The following OSBPL10 variants were observed in gnomAD, a reference collection of about 807,000 sequenced individuals.
OSBPL10 encodes oxysterol binding protein like 10.
A neutral mutation model predicts 81.7 loss-of-function variants in OSBPL10; 49 were observed. The ratio of observed to expected loss-of-function variants is 0.60; its 90% CI spans 0.48 to 0.76. The LOEUF is 0.76. Among genes scored for constraint, OSBPL10 ranks in the 30% least tolerant of loss-of-function variants. OSBPL10 has a pLI of 0.00. For missense variants in OSBPL10, 923 were observed against 987.8 expected (o/e 0.93, Z 0.88); for synonymous variants, 419 against 383.6 (o/e 1.09, Z -1.08).
chr3:32,040,776 G>A (rs1211195096), intron 2 of OSBPL10, among the ~76,000 whole-genome samples: 2 of 152,166 alleles, frequency 1.3e-5, no homozygotes, highest in Non-Finnish European at 2.9e-5. Context: ...GTTCAAGGCT[G>A]CAGTGAGCTA....
intron 4 of OSBPL10, among the ~76,000 whole-genome samples, chr3:31,822,741 A>G (rs1700008132): frequency 6.6e-6 from 1 of 151,628 alleles, no homozygotes; most frequent in Non-Finnish European, 1.5e-5. Context: ...AAGACCCCAT[A>G]TTTACAAAAA....
chr3:32,059,259 C>A (rs1221705683), intron 1 of OSBPL10, among the ~76,000 whole-genome samples: 2 of 148,790 alleles, frequency 1.3e-5, no homozygotes, highest in Non-Finnish European at 3.0e-5. Context: ...TCATGCCACT[C>A]TACTCCAGCC....
intron 1 of OSBPL10, among the ~76,000 whole-genome samples, chr3:31,909,190 C>T (rs1696504050): frequency 6.6e-6 from 1 of 152,170 alleles, no homozygotes; most frequent in Non-Finnish European, 1.5e-5. Flanking sequence ...CTGGCCTTGG[C>T]CCTCCAGTGG....
chr3:31,825,476 C>A (rs1312409992), intron 4 of OSBPL10, among the ~76,000 whole-genome samples: 1 of 152,064 alleles, frequency 6.6e-6, no homozygotes, highest in South Asian at 2.1e-4. Flanking sequence ...CATGAGCCAC[C>A]ACACTTAGCA....
At chr3:31,823,239 C>T (rs1700022308) in intron 4 of OSBPL10, among the ~76,000 whole-genome samples, 1 of 152,190 alleles carries the variant, frequency 6.6e-6, no homozygotes, top group Admixed American at 6.5e-5. Context: ...CCTTGAATAC[C>T]TCCATATGCC....
At chr3:31,976,766 T>A (rs1442697537) in intron 1 of OSBPL10, among the ~76,000 whole-genome samples, 1 of 152,210 alleles carries the variant, frequency 6.6e-6, no homozygotes, top group Non-Finnish European at 1.5e-5. Flanking sequence ...CTTGTCTTCC[T>A]TAATCCTAGT....
chr3:31,991,621 T>C (rs1699031218), intron 2 of OSBPL10: 1 of 166,596 alleles, frequency 6.0e-6, no homozygotes, highest in Admixed American at 6.5e-5. Context: ...ACTGTGTTTA[T>C]TAGCTTCAGT....
intron 6 of OSBPL10, among the ~76,000 whole-genome samples, chr3:31,702,709 T>C (rs1281865452): frequency 6.6e-6 from 1 of 152,160 alleles, no homozygotes; most frequent in Non-Finnish European, 1.5e-5. Flanking sequence ...GCATATCCCC[T>C]TTCATCTCTC....
At chr3:31,825,095 T>C (rs1007364623) in intron 4 of OSBPL10, among the ~76,000 whole-genome samples, 1 of 152,104 alleles carries the variant, frequency 6.6e-6, no homozygotes, top group African/African-American at 2.4e-5. Flanking sequence ...CCAGGAGAGT[T>C]TGACCTTTAT....
intron 3 of OSBPL10, among the ~76,000 whole-genome samples, chr3:31,851,006 C>T (rs1700752333): frequency 6.6e-6 from 1 of 152,188 alleles, no homozygotes; most frequent in South Asian, 2.1e-4. Context: ...AACAACATGA[C>T]ACTGGCTTCA....
chr3:31,859,390 C>T (rs1006724829), intron 3 of OSBPL10, among the ~76,000 whole-genome samples: 5 of 152,206 alleles, frequency 3.3e-5, no homozygotes, highest in African/African-American at 1.2e-4. Context: ...TATACCTCAC[C>T]CTACATATCT....
chr3:31,980,814 TACACAG>T, intron 1 of OSBPL10, 79 bp downstream of exon 1: 1 of 1,407,600 alleles, frequency 7.1e-7, no homozygotes, highest in Non-Finnish European at 9.2e-7. Flanking sequence ...CGCACACACA[TACACAG>T]ACACACATAC....
At chr3:31,964,475 G>T (rs971719868) in intron 1 of OSBPL10, among the ~76,000 whole-genome samples, 2 of 152,192 alleles carry the variant, frequency 1.3e-5, no homozygotes, top group Non-Finnish European at 2.9e-5. Context: ...ACTCTTAATG[G>T]GTAAGCAGTG....
chr3:31,730,003 G>A (rs1696920718), intron 6 of OSBPL10, among the ~76,000 whole-genome samples: 1 of 152,192 alleles, frequency 6.6e-6, no homozygotes, highest in Admixed American at 6.5e-5. Context: ...GAAAGTCTGG[G>A]ACATGTAGCT....
intron 4 of OSBPL10, among the ~76,000 whole-genome samples, chr3:31,750,447 A>G (rs547480418): frequency 1.3e-5 from 2 of 152,324 alleles, no homozygotes; most frequent in East Asian, 3.9e-4. Context: ...TCCATTTATG[A>G]CACTCTACAG....
chr3:31,933,721 T>C (rs1308517092), intron 1 of OSBPL10, among the ~76,000 whole-genome samples: 1 of 152,100 alleles, frequency 6.6e-6, no homozygotes, highest in Non-Finnish European at 1.5e-5. Flanking sequence ...CTAAAATTCT[T>C]TTATCAGCTA....
Position 31,707,086 on chromosome 3 carries a change from T to C in OSBPL10, c.1096-4578A>G, listed in dbSNP as rs554088570. On this transcript the variant is annotated intron_variant, in intron 6 of 11. Transcript: ENST00000396556. Reference sequence around the variant, plus strand: ...GTACATGGCCTTATAACCTAATATCTTAATTCAGAGGACTGAATCCTCACT... The same window carrying C: ...GTACATGGCCTTATAACCTAATATCCTAATTCAGAGGACTGAATCCTCACT... 2.0e-5 allele frequency: 3 copies of C among 152,344 alleles called. No individual in the cohort carries two copies. In the South Asian group the frequency reaches 6.2e-4, roughly 32 times the overall value. 9.4% of individuals were successfully genotyped at this position (152,344 alleles called of 1,614,324 possible).
chr3:31,947,690 T>C (rs191680027), intron 1 of OSBPL10, among the ~76,000 whole-genome samples: 58 of 152,262 alleles, frequency 3.8e-4, no homozygotes, highest in African/African-American at 1.4e-3. Flanking sequence ...GGAAGACTCC[T>C]GTGGAAACAC....
At chr3:31,897,806 G>C (rs1040653731) in intron 1 of OSBPL10, among the ~76,000 whole-genome samples, 22 of 151,812 alleles carry the variant, frequency 1.4e-4, no homozygotes, top group Non-Finnish European at 2.8e-4. Context: ...TCAGGAGTTC[G>C]AGACCAGCCT....
Sources: allele counts gnomAD v4.1 joint callset (sites outside exome capture counted in the v4.1 genomes callset), GRCh38; gene constraint gnomAD v4.1.1; transcripts MANE v1.5; gene names NCBI Gene and HGNC (gene_info 2026-07-23, HGNC 2026-07-21).